Variants in TNRC6B observed in about 807,000 individuals in gnomAD.
The protein encoded by TNRC6B is trinucleotide repeat containing adaptor 6B.
In TNRC6B, 52 loss-of-function variants were observed where a neutral mutation model predicts 203.6. The ratio of observed to expected loss-of-function variants is 0.26; its 90% CI spans 0.20 to 0.32. The LOEUF (loss-of-function observed/expected upper bound fraction) is 0.32. TNRC6B is among the 10% of genes least tolerant of loss of function. The pLI, the probability that TNRC6B is intolerant of heterozygous loss-of-function variation, is 1.00. For missense variants in TNRC6B, 1,923 were observed against 2,286.2 expected, an observed-to-expected ratio of 0.84 and a Z score of 3.24; for synonymous variants, 838 against 845.7, an observed-to-expected ratio of 0.99 and a Z score of 0.16.
chr22:40,303,483 T>C (rs1177616024), intron 15 of TNRC6B, among the ~76,000 whole-genome samples: 2 of 152,250 alleles, frequency 1.3e-5, no homozygotes, highest in Non-Finnish European at 2.9e-5. Context: ...AAGAGAAATA[T>C]TGACTTATTA....
intron 1 of TNRC6B, among the ~76,000 whole-genome samples, chr22:40,214,000 G>C (rs1448299386): frequency 6.6e-6 from 1 of 152,210 alleles, no homozygotes; most frequent in Non-Finnish European, 1.5e-5. Context: ...GGGCACGGTG[G>C]CTCACGCTTG....
At chr22:40,163,650 A>C (rs541235553) in intron 4 of TNRC6B, among the ~76,000 whole-genome samples, 1 of 151,516 alleles carries the variant, frequency 6.6e-6, no homozygotes, top group South Asian at 2.1e-4. Flanking sequence ...AATCTCAGCT[A>C]CTCGGGAGGC....
chr22:40,279,761 A>G (rs1569051824), intron 9 of TNRC6B, among the ~76,000 whole-genome samples: 1 of 152,160 alleles, frequency 6.6e-6, no homozygotes, highest in African/African-American at 2.4e-5. Context: ...CAACAGATAC[A>G]TGTTTTGTTT....
rs2146583657 is a variant in TNRC6B at position 40,323,625 on chromosome 22, A to G, written c.*384A>G. The G allele has an allele frequency of 6.4e-6, 1 of 156,942 alleles. No homozygotes were observed. The highest frequency in any genetic ancestry group is 1.8e-4 in the South Asian group (1 of 5,522). The allele number at this position is 156,942 out of a possible 1,614,324, so 9.7% of individuals were successfully genotyped here. On this transcript the variant is annotated 3_prime_UTR_variant, in exon 23 of 23. Transcript: ENST00000454349. ...TGGAAGTTGTTGCTAAGAAACATAT[A>G]TACTGAAAAAAAATAGCTTTTTAAC...
chr22:40,272,952 C>G (rs894848928), intron 6 of TNRC6B, among the ~76,000 whole-genome samples: 3 of 152,192 alleles, frequency 2.0e-5, no homozygotes, highest in African/African-American at 4.8e-5. Context: ...CTGTTCGTCT[C>G]TGCTTCACCC....
intron 3 of TNRC6B, among the ~76,000 whole-genome samples, chr22:40,257,785 G>A (rs902366215): frequency 6.6e-6 from 1 of 152,118 alleles, no homozygotes; most frequent in Admixed American, 6.5e-5. Flanking sequence ...CACTTTGGGA[G>A]GCTGAGGCGG....
chr22:40,130,363 A>G (rs1297210281), intron 3 of TNRC6B, among the ~76,000 whole-genome samples: 2 of 152,180 alleles, frequency 1.3e-5, no homozygotes, highest in Non-Finnish European at 2.9e-5. Flanking sequence ...TGCCTTCGAA[A>G]GAGAAGTCAT....
At chr22:40,200,275 A>ATTTTTT (rs1375838143) in intron 1 of TNRC6B, among the ~76,000 whole-genome samples, 8 of 73,234 alleles carry the variant, frequency 1.1e-4, no homozygotes, top group Non-Finnish European at 2.1e-4. Flanking sequence ...AAAAAGTAAT[A>ATTTTTT]TTCTTTTTTT....
At chr22:40,049,131 C>T (rs533642597) in intron 1 of TNRC6B, among the ~76,000 whole-genome samples, 20 of 152,126 alleles carry the variant, frequency 1.3e-4, no homozygotes, top group Non-Finnish European at 2.6e-4. Flanking sequence ...CCTGTAATCC[C>T]AGCACTTTGG....
chr22:40,053,111 AG>A (rs1163377531), intron 1 of TNRC6B, among the ~76,000 whole-genome samples: 2 of 151,878 alleles, frequency 1.3e-5, no homozygotes, highest in Non-Finnish European at 2.9e-5. Context: ...ACATACTAAA[AG>A]CTTTAGGTAT....
intron 3 of TNRC6B, among the ~76,000 whole-genome samples, chr22:40,132,967 A>AT (rs1263879588): frequency 5.0e-4 from 33 of 66,394 alleles, no homozygotes; most frequent in South Asian, 2.7e-3. Context: ...AAAAAAAAAA[A>AT]AAATATATAT....
chr22:40,253,526 G>A (rs1601922546), intron 3 of TNRC6B: 4 of 447,366 alleles, frequency 8.9e-6, no homozygotes, highest in East Asian at 1.4e-4. Flanking sequence ...TCCAATTGGG[G>A]GCTTTCTCAT....
intron 1 of TNRC6B, among the ~76,000 whole-genome samples, chr22:40,099,351 G>C (rs1437545790): frequency 6.6e-6 from 1 of 151,282 alleles, no homozygotes; most frequent in Admixed American, 6.6e-5. Context: ...AAAATCATTT[G>C]CTGAAATAAT....
At position 40,301,266 on chromosome 22, in the gene TNRC6B, A is replaced by T; in HGVS notation, c.4053A>T (p.Val1351=). The T allele has an allele frequency of 6.3e-7, 1 of 1,587,852 alleles. No individual in the cohort carries two copies. Among genetic ancestry groups the T allele is most frequent in the Non-Finnish European group, 8.6e-7 (1 of 1,166,030 alleles). Reference sequence around the variant, plus strand: ...CCAAGCCGCATCTGGACAACATGGTACCCAACGCATTGAATGTGGGGCTCC... The same window carrying T: ...CCAAGCCGCATCTGGACAACATGGTTCCCAACGCATTGAATGTGGGGCTCC... ...VGPKPHLDNM[V]PNALNVGLPD... The change falls in exon 15 of 23, where the codon GTA becomes GTT. Residue 1351 remains valine, a synonymous_variant. Transcript: ENST00000454349.
chr22:40,125,884 A>G (rs748795968), intron 3 of TNRC6B: 10 of 1,607,590 alleles, frequency 6.2e-6, no homozygotes, highest in Non-Finnish European at 1.7e-6. Context: ...ACTGAAAGGT[A>G]CAGTTTGGGT....
intron 1 of TNRC6B, among the ~76,000 whole-genome samples, chr22:40,060,140 T>C (rs1199708755): frequency 6.7e-6 from 1 of 149,670 alleles, no homozygotes; most frequent in East Asian, 1.9e-4. Flanking sequence ...ATCATTTTTT[T>C]TTTCTTTTTT....
chr22:40,298,468 T>G (rs1466479955), intron 12 of TNRC6B, among the ~76,000 whole-genome samples: 1 of 152,200 alleles, frequency 6.6e-6, no homozygotes, highest in Non-Finnish European at 1.5e-5. Context: ...GCAAGGGAAC[T>G]GTAATCATTG....
intron 1 of TNRC6B, among the ~76,000 whole-genome samples, chr22:40,241,823 G>A (rs920021076): frequency 1.3e-5 from 2 of 152,092 alleles, no homozygotes; most frequent in Non-Finnish European, 2.9e-5. Context: ...ATTTCTCTCT[G>A]TATGAACTTG....
rs753814049 is a variant in TNRC6B, at chr22:40,323,207, G to C, written c.5468G>C (p.Gly1823Ala). 1.2e-6 allele frequency: 2 copies of C among 1,613,244 alleles called. No individual in the cohort carries two copies. The highest frequency in any genetic ancestry group is 1.7e-6 in the Non-Finnish European group (2 of 1,179,850). Residue 1823 changes from glycine (G) to alanine (A), a missense_variant, in exon 23 of 23, where the codon GGT (glycine) becomes GCT (alanine). Gly to Ala is a moderately conservative substitution (Grantham distance 60). Coordinates refer to ENST00000454349, the MANE Select transcript of TNRC6B (RefSeq NM_001162501.2). Reference sequence around the variant, plus strand: ...GGCAGCCCTGCTCCTTTACTACCTGGTGACCTTCTGGGAGGAGGGTCGGAT... The same window carrying C: ...GGCAGCCCTGCTCCTTTACTACCTGCTGACCTTCTGGGAGGAGGGTCGGAT... ...RMGSPAPLLP[G>A]DLLGGGSDSI
Sources: gnomAD v4.1 joint callset for allele counts (sites outside exome capture counted in the v4.1 genomes callset) on GRCh38, gnomAD v4.1.1 for gene constraint, MANE v1.5 for transcripts, NCBI Gene and HGNC (gene_info 2026-07-23, HGNC 2026-07-21) for gene names.